The following LOC128706665 variants were observed in gnomAD, a reference collection of about 807,000 sequenced individuals.
the LOC128706665 span, among the ~76,000 whole-genome samples, chr20:10,421,960 C>CT: frequency 6.6e-6 from 1 of 152,008 alleles, no homozygotes; most frequent in Non-Finnish European, 1.5e-5. Context: ...AATTGCATCT[C>CT]TGAGTTTTAG....
At chr20:10,427,330 T>C in the LOC128706665 span, among the ~76,000 whole-genome samples, 1 of 152,328 alleles carries the variant, frequency 6.6e-6, no homozygotes, top group East Asian at 1.9e-4. Context: ...ACGGATTCTT[T>C]TTGGTCTTAA....
the LOC128706665 span, among the ~76,000 whole-genome samples, chr20:10,424,985 G>A: frequency 6.6e-6 from 1 of 151,458 alleles, no homozygotes; most frequent in Admixed American, 6.6e-5. Context: ...CCTGGGAGGC[G>A]GAGGTTGCAG....
the LOC128706665 span, among the ~76,000 whole-genome samples, chr20:10,419,972 G>T: frequency 6.6e-6 from 1 of 152,206 alleles, no homozygotes; most frequent in Non-Finnish European, 1.5e-5. Flanking sequence ...TGTCAGTTAA[G>T]ATCAAGTTTT....
the LOC128706665 span, among the ~76,000 whole-genome samples, chr20:10,422,943 C>A: frequency 3.9e-5 from 6 of 152,054 alleles, no homozygotes; most frequent in Non-Finnish European, 8.8e-5. Flanking sequence ...GATCTCCTGA[C>A]CTTGCGATCC....
chr20:10,433,193 A>G, the LOC128706665 span, among the ~76,000 whole-genome samples: 2 of 152,168 alleles, frequency 1.3e-5, no homozygotes, highest in Non-Finnish European at 2.9e-5. Flanking sequence ...TTTAGCAGAG[A>G]CCGGGTTTCG....
the LOC128706665 span, among the ~76,000 whole-genome samples, chr20:10,419,558 T>C: frequency 6.6e-6 from 1 of 152,178 alleles, no homozygotes; most frequent in Non-Finnish European, 1.5e-5. Context: ...CACTAAACCC[T>C]ATATATACTA....
At chr20:10,420,181 AAAAG>A in the LOC128706665 span, among the ~76,000 whole-genome samples, 1 of 152,220 alleles carries the variant, frequency 6.6e-6, no homozygotes, top group Non-Finnish European at 1.5e-5. Flanking sequence ...TGTTAAAAAA[AAAAG>A]AACACTAATA....
chr20:10,417,471 T>G, the LOC128706665 span, among the ~76,000 whole-genome samples: 166 of 152,170 alleles, frequency 1.1e-3, 1 homozygote, highest in African/African-American at 3.6e-3. Context: ...CTTAGCCAGG[T>G]GTGGTGGCGG....
At chr20:10,421,497 A>G in the LOC128706665 span, among the ~76,000 whole-genome samples, 1 of 152,116 alleles carries the variant, frequency 6.6e-6, no homozygotes, top group Non-Finnish European at 1.5e-5. Flanking sequence ...TGCAGTAAGA[A>G]TTTAGGTTCT....
At chr20:10,432,344 T>C in the LOC128706665 span, among the ~76,000 whole-genome samples, 1 of 152,134 alleles carries the variant, frequency 6.6e-6, no homozygotes, top group Non-Finnish European at 1.5e-5. Flanking sequence ...TGCCTCTAAA[T>C]CTCCTCAGAG....
chr20:10,433,595 G>A, the LOC128706665 span, among the ~76,000 whole-genome samples: 9 of 152,178 alleles, frequency 5.9e-5, no homozygotes, highest in African/African-American at 2.2e-4. Context: ...ACCTTAGAGG[G>A]TCATCCCTAC....
At chr20:10,413,990 C>T in the LOC128706665 span, 1 of 397,118 alleles carries the variant, frequency 2.5e-6, no homozygotes. Flanking sequence ...TTGTAGACTG[C>T]AGTTTAATAA....
the LOC128706665 span, among the ~76,000 whole-genome samples, chr20:10,433,080 C>G: frequency 6.6e-6 from 1 of 152,168 alleles, no homozygotes; most frequent in African/African-American, 2.4e-5. Flanking sequence ...CTCCGCTCAC[C>G]GCAACCTCCG....
chr20:10,431,414 G>C, the LOC128706665 span, among the ~76,000 whole-genome samples: 3 of 151,988 alleles, frequency 2.0e-5, no homozygotes, highest in South Asian at 2.1e-4. Flanking sequence ...CTAGCCTCAG[G>C]GGGGAACTAC....
chr20:10,433,135 C>G, the LOC128706665 span, among the ~76,000 whole-genome samples: 4 of 152,260 alleles, frequency 2.6e-5, no homozygotes, highest in African/African-American at 7.2e-5. Flanking sequence ...TCCCAAGTAG[C>G]TGGGATTACA....
At chr20:10,418,144 TA>T in the LOC128706665 span, among the ~76,000 whole-genome samples, 1 of 152,232 alleles carries the variant, frequency 6.6e-6, no homozygotes, top group Non-Finnish European at 1.5e-5. Flanking sequence ...TGTTTATTCT[TA>T]CTGTTAAAGA....
chr20:10,421,281 G>A, the LOC128706665 span, among the ~76,000 whole-genome samples: 2 of 141,344 alleles, frequency 1.4e-5, no homozygotes, highest in Non-Finnish European at 3.1e-5. Flanking sequence ...AGTATTAGTC[G>A]GATATGGTGG....
At chr20:10,415,054 T>G in the LOC128706665 span, among the ~76,000 whole-genome samples, 4 of 152,180 alleles carry the variant, frequency 2.6e-5, no homozygotes, top group African/African-American at 9.6e-5. Context: ...CAAAAGGACA[T>G]GTAGAAATAC....
At chr20:10,423,054 A>T in the LOC128706665 span, among the ~76,000 whole-genome samples, 1 of 151,750 alleles carries the variant, frequency 6.6e-6, no homozygotes, top group African/African-American at 2.4e-5. Flanking sequence ...GCCATTCACC[A>T]TTTACTTCTC....
Sources: gnomAD v4.1 joint callset for allele counts (sites outside exome capture counted in the v4.1 genomes callset) on GRCh38, gnomAD v4.1.1 for gene constraint, MANE v1.5 for transcripts.